The following KCNK9 variants were observed in gnomAD, a reference collection of about 807,000 sequenced individuals.
KCNK9 encodes the protein potassium channel subfamily K member 9.
Under a neutral mutation model 10.8 loss-of-function variants are expected in KCNK9, and 1 was observed. The ratio of observed to expected loss-of-function variants is 0.09; its 90% confidence interval spans 0.03 to 0.44. The LOEUF (loss-of-function observed/expected upper bound fraction) is 0.44. Among genes scored for constraint, KCNK9 ranks in the 20% least tolerant of loss-of-function variants. KCNK9 has a pLI of 0.97. For synonymous variants in KCNK9, 231 were observed against 222.7 expected (o/e 1.04, Z -0.33); for missense variants, 303 against 515.0 (o/e 0.59, Z 3.98).
chr8:139,641,810 T>C (rs1815515087), intron 1 of KCNK9, among the ~76,000 whole-genome samples: 1 of 152,170 alleles, frequency 6.6e-6, no homozygotes, highest in African/African-American at 2.4e-5. Context: ...GCAACTGCCC[T>C]GACACTGCAG....
chr8:139,601,700 G>A (rs553475098), intron 2 of KCNK9: 3 of 152,256 alleles, frequency 2.0e-5, no homozygotes, highest in South Asian at 4.1e-4. Flanking sequence ...CCTGAATGAG[G>A]GTGAAACTGG....
chr8:139,673,450 C>T (rs1304945545), intron 1 of KCNK9, among the ~76,000 whole-genome samples: 1 of 152,220 alleles, frequency 6.6e-6, no homozygotes, highest in Non-Finnish European at 1.5e-5. Flanking sequence ...CTTAGCGGCA[C>T]TGGCTGGGAG....
At chr8:139,616,425 T>G (rs1814592192), downstream of KCNK9, 1 of 152,204 alleles carries the variant, frequency 6.6e-6, no homozygotes, top group East Asian at 1.9e-4. Flanking sequence ...CTAGAGAATC[T>G]GAGGTTCGCA....
intron 1 of KCNK9, among the ~76,000 whole-genome samples, chr8:139,650,221 A>C (rs988160400): frequency 5.3e-5 from 8 of 152,318 alleles, no homozygotes; most frequent in African/African-American, 1.9e-4. Flanking sequence ...TGCTGTTTGA[A>C]GAACAGACTG....
chr8:139,667,053 G>A (rs1816318560), intron 1 of KCNK9, among the ~76,000 whole-genome samples: 4 of 152,256 alleles, frequency 2.6e-5, no homozygotes, highest in Admixed American at 2.6e-4. Context: ...GGCTCCCACA[G>A]GGCTTGGTGC....
At chr8:139,611,970 G>A (rs886518083), downstream of KCNK9, 1 of 152,230 alleles carries the variant, frequency 6.6e-6, no homozygotes, top group East Asian at 1.9e-4. Context: ...AGTGCTTGCT[G>A]CTCCTGTGGC....
intron 1 of KCNK9, among the ~76,000 whole-genome samples, chr8:139,656,900 C>T (rs1816036851): frequency 6.6e-6 from 1 of 152,170 alleles, no homozygotes; most frequent in Non-Finnish European, 1.5e-5. Context: ...CCAGGCCCTG[C>T]TCACCCTCCC....
intron 2 of KCNK9, among the ~76,000 whole-genome samples, chr8:139,604,602 C>T (rs555471183): frequency 4.6e-5 from 7 of 152,302 alleles, no homozygotes; most frequent in Admixed American, 4.6e-4. Flanking sequence ...GCAATCCGTC[C>T]TTATTTACAT....
chr8:139,607,484 C>T (rs1814259345), intron 2 of KCNK9, among the ~76,000 whole-genome samples: 1 of 152,196 alleles, frequency 6.6e-6, no homozygotes, highest in African/African-American at 2.4e-5. Flanking sequence ...CCTCATGCCT[C>T]ATAGCTGTGT....
At chr8:139,684,165 T>C (rs2129772543) in intron 1 of KCNK9, among the ~76,000 whole-genome samples, 1 of 152,244 alleles carries the variant, frequency 6.6e-6, no homozygotes, top group African/African-American at 2.4e-5. Context: ...ATGGCCCTGG[T>C]TGTTTCCAAG....
chr8:139,651,341 T>C (rs1243338577), intron 1 of KCNK9, among the ~76,000 whole-genome samples: 1 of 152,164 alleles, frequency 6.6e-6, no homozygotes, highest in Admixed American at 6.5e-5. Context: ...CGGTGGAGGC[T>C]GCTGACCACA....
At chr8:139,687,782 C>T (rs1166025605) in intron 1 of KCNK9, among the ~76,000 whole-genome samples, 2 of 150,724 alleles carry the variant, frequency 1.3e-5, no homozygotes, top group African/African-American at 4.9e-5. Flanking sequence ...ATTAACAACT[C>T]AAGGCCAATC....
At chr8:139,698,240 A>T (rs1186904904) in intron 1 of KCNK9, among the ~76,000 whole-genome samples, 1 of 152,094 alleles carries the variant, frequency 6.6e-6, no homozygotes, top group Non-Finnish European at 1.5e-5. Flanking sequence ...AGGTGAGTGC[A>T]TGCGTGTGGA....
At chr8:139,660,165 G>A (rs1397894451) in intron 1 of KCNK9, among the ~76,000 whole-genome samples, 5 of 152,120 alleles carry the variant, frequency 3.3e-5, no homozygotes, top group Non-Finnish European at 7.4e-5. Flanking sequence ...TACACGTTGA[G>A]CCTCAACCTC....
chr8:139,696,823 G>A (rs1181562079), intron 1 of KCNK9, among the ~76,000 whole-genome samples: 1 of 151,784 alleles, frequency 6.6e-6, no homozygotes, highest in Non-Finnish European at 1.5e-5. Context: ...GTTGGTGGGT[G>A]GATGGGTGGA....
intron 1 of KCNK9, among the ~76,000 whole-genome samples, chr8:139,638,388 T>A (rs1003552616): frequency 2.1e-4 from 32 of 152,166 alleles, no homozygotes; most frequent in African/African-American, 7.5e-4. Context: ...AGGTGCCAAA[T>A]ACAGGTGACT....
intron 1 of KCNK9, among the ~76,000 whole-genome samples, chr8:139,681,855 G>A (rs960320048): frequency 2.6e-5 from 4 of 152,210 alleles, no homozygotes; most frequent in Non-Finnish European, 4.4e-5. Flanking sequence ...CATCTTATGC[G>A]GCCTGGACAG....
chr8:139,648,007 T>A (rs562612108), intron 1 of KCNK9, among the ~76,000 whole-genome samples: 4 of 152,204 alleles, frequency 2.6e-5, no homozygotes, highest in Non-Finnish European at 5.9e-5. Context: ...AGCAGCACGC[T>A]AGCTGAAAGG....
At chr8:139,667,201 C>T (rs1462308136) in intron 1 of KCNK9, among the ~76,000 whole-genome samples, 1 of 152,228 alleles carries the variant, frequency 6.6e-6, no homozygotes, top group Non-Finnish European at 1.5e-5. Context: ...CCTATCAGAC[C>T]AGTCCCCACA....
Sources: allele counts gnomAD v4.1 joint callset (sites outside exome capture counted in the v4.1 genomes callset), GRCh38; gene constraint gnomAD v4.1.1; transcripts MANE v1.5; gene names NCBI Gene and HGNC (gene_info 2026-07-23, HGNC 2026-07-21).